PC: variants seen among roughly 807,000 people sequenced by gnomAD.
PC encodes pyruvate carboxylase, also known as pyruvate carboxylase, mitochondrial.
PC carries 46 observed loss-of-function variants against 107.8 expected under a neutral mutation model. The ratio of observed to expected loss-of-function variants is 0.43; its 90% CI spans 0.34 to 0.55. The LOEUF (loss-of-function observed/expected upper bound fraction) is 0.55, where lower values mean the gene tolerates loss of function less well. Ranked by LOEUF, PC falls within the 20% of genes least tolerant of loss-of-function variation. PC has a pLI of 0.04. For missense variants in PC, 1,241 were observed against 1,643.1 expected (o/e 0.76, Z 4.23); for synonymous variants, 662 against 684.7 (o/e 0.97, Z 0.52).
At position 66,857,956 on chromosome 11, in the gene PC, T is replaced by C. The variant is rs755729888; in HGVS notation, c.1369-4573A>G. On this transcript the variant is annotated intron_variant, in intron 12 of 22. Transcript: ENST00000393960. The surrounding 1 kb of genome is among the most constrained non-coding windows in gnomAD (Gnocchi z 7.1). ...CTGGGGCCCCCTGACTTCCGCAACA[T>C]GACGGGACTGGTGGACCTGACACTG... is the stretch of plus-strand genomic sequence containing the variant. 6.2e-7 allele frequency: 1 copy of C among 1,612,538 alleles called. No homozygotes were observed.
intron 3 of PC, among the ~76,000 whole-genome samples, chr11:66,883,435 C>T (rs1439880999): frequency 6.6e-6 from 1 of 152,190 alleles, no homozygotes; most frequent in African/African-American, 2.4e-5. Context: ...TCCTCCACAT[C>T]CTATAGGAGT....
intron 9 of PC, among the ~76,000 whole-genome samples, chr11:66,869,650 C>T (rs973293321): frequency 9.2e-5 from 14 of 152,178 alleles, no homozygotes; most frequent in South Asian, 2.1e-4. Context: ...GTGCACACCC[C>T]GGCCTTCGGC....
intron 3 of PC, among the ~76,000 whole-genome samples, chr11:66,938,821 C>T (rs1463599355): frequency 1.3e-5 from 2 of 152,198 alleles, no homozygotes; most frequent in Non-Finnish European, 2.9e-5. Flanking sequence ...TCATATGACA[C>T]AGAACAGACT....
chr11:66,921,477 C>T (rs2136091969), intron 3 of PC, among the ~76,000 whole-genome samples: 1 of 152,284 alleles, frequency 6.6e-6, no homozygotes, highest in South Asian at 2.1e-4. Context: ...GCCAAAGACT[C>T]TGCAAAGGAC....
chr11:66,858,954 G>A lies in PC; in HGVS notation c.1368+4820C>T, dbSNP rs1426791277. The A allele has an allele frequency of 2.5e-6, 4 of 1,577,514 alleles. No individual in the cohort carries two copies. ...TGCTGCCGAGGGTGAGGGGACGCTG[G>A]AGTCTGAGCCAGCCGTGCAGGTGAC... On this transcript the variant is annotated intron_variant, in intron 12 of 22. Transcript: ENST00000393960. The surrounding 1 kb of genome is among the most constrained non-coding windows in gnomAD (Gnocchi z 5.9).
intron 12 of PC, among the ~76,000 whole-genome samples, chr11:66,856,367 G>A (rs1429209607): frequency 4.6e-5 from 7 of 152,006 alleles, no homozygotes; most frequent in Admixed American, 2.6e-4. Flanking sequence ...CGGGGCGGGC[G>A]GGGCAGCTGG....
At chr11:66,933,971 C>T (rs536610524) in intron 3 of PC, among the ~76,000 whole-genome samples, 1 of 152,314 alleles carries the variant, frequency 6.6e-6, no homozygotes, top group Non-Finnish European at 1.5e-5. Context: ...TCCAACATTG[C>T]TTCCCAAGTG....
chr11:66,936,977 G>C (rs1949017038), intron 3 of PC, among the ~76,000 whole-genome samples: 1 of 152,064 alleles, frequency 6.6e-6, no homozygotes, highest in Admixed American at 6.6e-5. Context: ...TAAGTAGCTG[G>C]GACTACAGGT....
intron 3 of PC, among the ~76,000 whole-genome samples, chr11:66,873,909 A>AG: frequency 6.6e-6 from 1 of 151,796 alleles, no homozygotes; most frequent in Admixed American, 6.6e-5. Flanking sequence ...CTGGGATTAT[A>AG]GGCATGCACC....
At chr11:66,859,709 G>C in intron 12 of PC, 1 of 1,612,340 alleles carries the variant, frequency 6.2e-7, no homozygotes, top group Non-Finnish European at 8.5e-7. Flanking sequence ...ACCTCTGCCT[G>C]CTGGCCTTGT....
intron 12 of PC, chr11:66,860,015 C>G (rs750912199): frequency 3.8e-6 from 6 of 1,588,822 alleles, no homozygotes; most frequent in Non-Finnish European, 5.1e-6. Flanking sequence ...CGCGGAGCCC[C>G]CCGCCCCGGC....
chr11:66,942,226 G>A (rs1318584232), intron 3 of PC, among the ~76,000 whole-genome samples: 2 of 150,562 alleles, frequency 1.3e-5, no homozygotes, highest in African/African-American at 2.4e-5. Context: ...GTGAAACCCC[G>A]TCTCTACTAA....
Position 66,849,931 on chromosome 11 carries a change from C to G in PC, c.2898+6G>C. On this transcript the variant is annotated splice_donor_region_variant and intron_variant, in intron 20 of 22. Transcript: ENST00000393960. The stretch of plus-strand genomic sequence containing the variant: ...CCACCCTCACACCATGCTGGGCCTT[C>G]CCTACCTTAGAGCGAAAGGGTTCGG... The G allele has an allele frequency of 6.2e-7, 1 of 1,613,556 alleles. No individual in the cohort carries two copies. Among genetic ancestry groups the G allele is most frequent in the Non-Finnish European group, 8.5e-7 (1 of 1,180,032 alleles).
chr11:66,854,464 T>C (rs1255709983), intron 12 of PC, among the ~76,000 whole-genome samples: 1 of 152,172 alleles, frequency 6.6e-6, no homozygotes, highest in Non-Finnish European at 1.5e-5. Context: ...CATGTGTCAG[T>C]GCACTTTGTG....
chr11:66,863,919 T>A lies in PC; in HGVS notation c.1223A>T (p.Asp408Val). The A allele has an allele frequency of 6.2e-7, 1 of 1,613,914 alleles. No homozygotes were observed. Among genetic ancestry groups the A allele is most frequent in the Non-Finnish European group, 8.5e-7 (1 of 1,179,996 alleles). Residue 408 changes from aspartate to valine, a missense_variant, in exon 12 of 23, where the codon GAT (aspartate) becomes GTT (valine). This residue lies in a region of PC where 1,143 missense variants were observed against 1,551.9 expected (regional missense o/e 0.74). Transcript: ENST00000393960. ...GGCTCCTTGGAAGGCGGAAGCATTATCCAGGCGGATGCCCATGCCCTCTCC... is the reference window on the plus strand; with the variant it reads ...GGCTCCTTGGAAGGCGGAAGCATTAACCAGGCGGATGCCCATGCCCTCTCC... ...RSGEGMGIRL[D>V]NASAFQGAVI...
At chr11:66,856,247 T>C (rs1945813560) in intron 12 of PC, among the ~76,000 whole-genome samples, 1 of 152,242 alleles carries the variant, frequency 6.6e-6, no homozygotes, top group Non-Finnish European at 1.5e-5. Flanking sequence ...CCGCAGGCGC[T>C]GCGAGGACGC....
At chr11:66,872,335 C>T (rs1286177275) in intron 3 of PC, among the ~76,000 whole-genome samples, 176 bp from the exon 4 acceptor site, 1 of 152,058 alleles carries the variant, frequency 6.6e-6, no homozygotes, top group African/African-American at 2.4e-5. Flanking sequence ...CAAATCCAAC[C>T]CCAAATGGAA....
At position 66,858,610 on chromosome 11, in the gene PC, G is replaced by A. The variant is rs1192454666; in HGVS notation, c.1368+5164C>T. On this transcript the variant is annotated intron_variant, in intron 12 of 22. Coordinates refer to ENST00000393960, the MANE Select transcript of PC (RefSeq NM_001040716.2). This position sits in a 1 kb window ranked among gnomAD's most constrained non-coding sequence, Gnocchi z 5.9. ...CCCCTCATTGCCCGCCACACGCAGC[G>A]CCTCTGGGTGCTGGAAGGCCAGCGG... is the stretch of plus-strand genomic sequence containing the variant. 20 of 1,535,276 alleles carry A rather than the reference G, an allele frequency of 1.3e-5. No homozygotes were observed. Among genetic ancestry groups the A allele is most frequent in the Non-Finnish European group, 1.7e-5 (19 of 1,143,918 alleles).
chr11:66,859,984 C>G, intron 12 of PC: 1 of 1,600,728 alleles, frequency 6.2e-7, no homozygotes, highest in Non-Finnish European at 8.5e-7. Context: ...GGCCCCAGCC[C>G]CACACCCAAG....
Sources: allele counts gnomAD v4.1 joint callset (sites outside exome capture counted in the v4.1 genomes callset), GRCh38; gene constraint gnomAD v4.1.1; regional missense constraint gnomAD v4.1.1; non-coding constraint Gnocchi (gnomAD v3.1); transcripts MANE v1.5; gene names NCBI Gene and HGNC (gene_info 2026-07-23, HGNC 2026-07-21).